The following LINGO2 variants were observed in gnomAD, a reference collection of about 807,000 sequenced individuals.
LINGO2 encodes the protein leucine-rich repeat and immunoglobulin-like domain-containing nogo receptor-interacting protein 2.
Under a neutral mutation model 30.6 loss-of-function variants are expected in LINGO2, and 14 were observed. The ratio of observed to expected loss-of-function variants is 0.46; its 90% CI spans 0.30 to 0.72. The LOEUF (loss-of-function observed/expected upper bound fraction) is 0.72. Ranked by LOEUF, LINGO2 falls within the 30% of genes least tolerant of loss-of-function variation. The pLI, the probability that LINGO2 is intolerant of heterozygous loss-of-function variation, is 0.07. For missense variants in LINGO2, 729 were observed against 751.7 expected, an observed-to-expected ratio of 0.97 and a Z score of 0.35; for synonymous variants, 317 against 288.5, an observed-to-expected ratio of 1.10 and a Z score of -1.00.
chr9:28,916,385 G>C, the LINGO2 span, among the ~76,000 whole-genome samples: 6 of 152,042 alleles, frequency 3.9e-5, no homozygotes, highest in Non-Finnish European at 8.8e-5. Context: ...ATCTTTTAAC[G>C]TCTGATAAGA....
At chr9:29,037,129 T>G in the LINGO2 span, among the ~76,000 whole-genome samples, 1 of 151,890 alleles carries the variant, frequency 6.6e-6, no homozygotes, top group Non-Finnish European at 1.5e-5. Context: ...TCTCACAAAT[T>G]TTAATGTTGT....
At chr9:28,447,535 T>C (rs1359113636) in intron 2 of LINGO2, among the ~76,000 whole-genome samples, 3 of 152,146 alleles carry the variant, frequency 2.0e-5, no homozygotes, top group Non-Finnish European at 4.4e-5. Context: ...GCAGCCCAGG[T>C]GGACTAAGAC....
rs566554424 is a variant in LINGO2 at position 28,513,798 on chromosome 9, A to G, written c.-364-37773T>C. Among the ~76,000 whole-genome samples, 3 of 152,358 alleles carry G rather than the reference A, an allele frequency of 2.0e-5. No individual in the cohort carries two copies. In the East Asian group the frequency reaches 5.8e-4, roughly 29 times the overall value. ...AGCTTAGAGGTTGATAAAATGGATG[A>G]TCTTAAAAAAGGACATACCGACTTC... On this transcript the variant is annotated intron_variant, in intron 1 of 5. Coordinates refer to ENST00000379992, the Ensembl canonical transcript of LINGO2.
At chr9:27,991,045 C>T (rs2119025536) in intron 5 of LINGO2, among the ~76,000 whole-genome samples, 1 of 152,060 alleles carries the variant, frequency 6.6e-6, no homozygotes, top group South Asian at 2.1e-4. Context: ...CAGCACAGAC[C>T]TTATACTATA....
the LINGO2 span, among the ~76,000 whole-genome samples, chr9:29,203,375 A>G: frequency 1.3e-5 from 2 of 152,204 alleles, no homozygotes; most frequent in Non-Finnish European, 2.9e-5. Context: ...AATGTATCTA[A>G]GGCATGGGTA....
intron 3 of LINGO2, among the ~76,000 whole-genome samples, chr9:28,344,444 A>C (rs1819489925): frequency 6.6e-6 from 1 of 152,188 alleles, no homozygotes; most frequent in African/African-American, 2.4e-5. Context: ...ATAACTGTAA[A>C]ACAGTATAAA....
chr9:28,421,409 T>C (rs1236497334), intron 2 of LINGO2, among the ~76,000 whole-genome samples: 2 of 75,542 alleles, frequency 2.6e-5, no homozygotes, highest in Non-Finnish European at 3.8e-5. Flanking sequence ...CCAAAAGCAT[T>C]TTTTTTGCAG....
chr9:28,813,953 T>C, the LINGO2 span, among the ~76,000 whole-genome samples: 2 of 152,098 alleles, frequency 1.3e-5, no homozygotes, highest in Admixed American at 1.3e-4. Flanking sequence ...GGCAGCCTGA[T>C]ATTAAATGAA....
chr9:28,410,165 AAG>A (rs1822704799), intron 2 of LINGO2, among the ~76,000 whole-genome samples: 1 of 144,214 alleles, frequency 6.9e-6, no homozygotes, highest in East Asian at 2.0e-4. Context: ...GTAACAGAGA[AAG>A]AGAAAGAGGA....
At chr9:28,887,555 A>C in the LINGO2 span, among the ~76,000 whole-genome samples, 1 of 152,114 alleles carries the variant, frequency 6.6e-6, no homozygotes, top group South Asian at 2.1e-4. Context: ...ACCTTATTGC[A>C]TTCTAGTAAG....
chr9:28,747,550 C>A, the LINGO2 span, among the ~76,000 whole-genome samples: 238 of 152,156 alleles, frequency 1.6e-3, 4 homozygotes, highest in Non-Finnish European at 7.4e-4. Context: ...GAGCTGCAGA[C>A]ACCCATCCCT....
At chr9:28,452,292 T>C (rs1226367933) in intron 2 of LINGO2, among the ~76,000 whole-genome samples, 2 of 151,732 alleles carry the variant, frequency 1.3e-5, no homozygotes, top group African/African-American at 2.4e-5. Flanking sequence ...AAAATAATCA[T>C]AGTAAGTAAA....
the LINGO2 span, among the ~76,000 whole-genome samples, chr9:29,116,751 A>G: frequency 6.6e-6 from 1 of 152,062 alleles, no homozygotes; most frequent in African/African-American, 2.4e-5. Context: ...AACCAAAATC[A>G]TCTTTTCCAG....
chr9:29,174,221 C>T, the LINGO2 span, among the ~76,000 whole-genome samples: 9 of 152,092 alleles, frequency 5.9e-5, no homozygotes, highest in African/African-American at 2.2e-4. Flanking sequence ...TGAAGTTTCA[C>T]ATTATTTGAA....
At chr9:27,995,624 C>CA (rs1821623591) in intron 5 of LINGO2, among the ~76,000 whole-genome samples, 1 of 152,138 alleles carries the variant, frequency 6.6e-6, no homozygotes, top group Non-Finnish European at 1.5e-5. Context: ...TTGATGATCT[C>CA]AATAAATGCC....
chr9:28,168,725 C>T (rs990211318), intron 4 of LINGO2, among the ~76,000 whole-genome samples: 1 of 152,232 alleles, frequency 6.6e-6, no homozygotes, highest in African/African-American at 2.4e-5. Context: ...ATGCCGAGGC[C>T]TACAGATTTG....
At chr9:28,179,407 TA>T (rs1470419222) in intron 4 of LINGO2, among the ~76,000 whole-genome samples, 6 of 129,716 alleles carry the variant, frequency 4.6e-5, no homozygotes, top group Admixed American at 8.2e-5. Context: ...CTATAGTATA[TA>T]GTATACTATA....
intron 1 of LINGO2, among the ~76,000 whole-genome samples, chr9:28,507,584 G>T (rs1820203176): frequency 6.6e-6 from 1 of 152,012 alleles, no homozygotes; most frequent in African/African-American, 2.4e-5. Flanking sequence ...TCCAAGATAG[G>T]TTAGTAAAGA....
At chr9:28,706,495 C>T in the LINGO2 span, among the ~76,000 whole-genome samples, 14 of 152,054 alleles carry the variant, frequency 9.2e-5, no homozygotes, top group Non-Finnish European at 1.9e-4. Context: ...AAATGGTAGG[C>T]CTGACAAAAC....
Sources: allele counts gnomAD v4.1 joint callset (sites outside exome capture counted in the v4.1 genomes callset), GRCh38; gene constraint gnomAD v4.1.1; transcripts MANE v1.5; gene names NCBI Gene and HGNC (gene_info 2026-07-23, HGNC 2026-07-21).